The following STK38L variants were observed in gnomAD, a reference collection of about 807,000 sequenced individuals.
The protein encoded by STK38L is serine/threonine-protein kinase 38-like.
In STK38L, 28 loss-of-function variants were observed where a neutral mutation model predicts 59.7. The ratio of observed to expected loss-of-function variants is 0.47; its 90% CI spans 0.35 to 0.64. STK38L has a LOEUF of 0.64. Among genes scored for constraint, STK38L ranks in the 30% least tolerant of loss-of-function variants. The probability of loss-of-function intolerance (pLI) is 0.01; values close to 1 mark genes in which losing one functional copy is unlikely to be tolerated. For synonymous variants in STK38L, 162 were observed against 176.8 expected (o/e 0.92, Z 0.66); for missense variants, 314 against 555.8 (o/e 0.56, Z 4.37).
At chr12:27,268,090 G>C (rs1018380282) in intron 1 of STK38L, among the ~76,000 whole-genome samples, 2 of 151,864 alleles carry the variant, frequency 1.3e-5, no homozygotes, top group African/African-American at 4.8e-5. Context: ...TCTGCTAGTC[G>C]GTGGCTTATT....
At chr12:27,279,793 A>C (rs1271309042) in intron 1 of STK38L, among the ~76,000 whole-genome samples, 2 of 151,988 alleles carry the variant, frequency 1.3e-5, no homozygotes, top group African/African-American at 4.8e-5. Context: ...AGAGATGAGA[A>C]AAATACAATT....
intron 6 of STK38L, among the ~76,000 whole-genome samples, chr12:27,313,828 C>G (rs1434353604): frequency 1.3e-5 from 2 of 151,992 alleles, no homozygotes; most frequent in African/African-American, 2.4e-5. Context: ...TCTGCAGGTG[C>G]CTTTTTTAGT....
chr12:27,254,366 A>T (rs779716844), intron 1 of STK38L, among the ~76,000 whole-genome samples: 5 of 152,130 alleles, frequency 3.3e-5, no homozygotes, highest in African/African-American at 4.8e-5. Flanking sequence ...AACTAACATG[A>T]CCCTAAACTT....
chr12:27,267,212 G>C (rs928828416), intron 1 of STK38L, among the ~76,000 whole-genome samples: 2 of 151,914 alleles, frequency 1.3e-5, no homozygotes, highest in Non-Finnish European at 2.9e-5. Context: ...ATTTTGACTT[G>C]TGTCACATAT....
chr12:27,268,704 A>G (rs1166722641), intron 1 of STK38L, among the ~76,000 whole-genome samples: 2 of 152,194 alleles, frequency 1.3e-5, no homozygotes, highest in Non-Finnish European at 2.9e-5. Flanking sequence ...ACTGACTTCC[A>G]CAATGGTTGA....
At chr12:27,305,936 C>T (rs1190951567) in intron 3 of STK38L, among the ~76,000 whole-genome samples, 5 of 152,152 alleles carry the variant, frequency 3.3e-5, no homozygotes, top group African/African-American at 1.2e-4. Flanking sequence ...GCTACTTAAT[C>T]TATACAGGTT....
intron 1 of STK38L, among the ~76,000 whole-genome samples, chr12:27,272,318 A>G (rs1019470077): frequency 1.3e-5 from 2 of 152,258 alleles, no homozygotes; most frequent in Admixed American, 6.5e-5. Context: ...TGTATAGGAA[A>G]GATAGTACTG....
At chr12:27,252,520 C>T (rs1429705279) in intron 1 of STK38L, among the ~76,000 whole-genome samples, 2 of 152,224 alleles carry the variant, frequency 1.3e-5, no homozygotes, top group African/African-American at 4.8e-5. Flanking sequence ...AAATACCACA[C>T]CGTGTTTGCC....
chr12:27,251,472 C>G (rs1942974157), intron 1 of STK38L, among the ~76,000 whole-genome samples: 1 of 152,102 alleles, frequency 6.6e-6, no homozygotes, highest in Non-Finnish European at 1.5e-5. Context: ...TCTGAGATCT[C>G]AAAATAAGAG....
chr12:27,318,065 C>G, intron 11 of STK38L, 46 bp downstream of exon 11: 1 of 1,604,954 alleles, frequency 6.2e-7, no homozygotes. Context: ...CTTAAAACTT[C>G]CTAAGAACCT....
chr12:27,250,767 G>A (rs576861873), intron 1 of STK38L, among the ~76,000 whole-genome samples: 5 of 151,910 alleles, frequency 3.3e-5, no homozygotes, highest in African/African-American at 7.3e-5. Flanking sequence ...TTGGGAGGCC[G>A]AGGTGGGCAG....
chr12:27,288,297 C>G (rs192232500), intron 1 of STK38L, among the ~76,000 whole-genome samples: 89 of 152,254 alleles, frequency 5.8e-4, no homozygotes, highest in Non-Finnish European at 4.4e-5. Flanking sequence ...CATTTTAAAG[C>G]ATACATTTAT....
intron 1 of STK38L, among the ~76,000 whole-genome samples, chr12:27,252,364 A>G (rs1480406232): frequency 6.6e-6 from 1 of 152,226 alleles, no homozygotes; most frequent in Non-Finnish European, 1.5e-5. Flanking sequence ...GAAAGTGATA[A>G]TGTTTGAGAG....
At chr12:27,312,783 T>TGTAA in intron 6 of STK38L, 111 bp downstream of exon 6, 2 of 1,295,434 alleles carry the variant, frequency 1.5e-6, no homozygotes, top group Non-Finnish European at 2.1e-6. Flanking sequence ...AGGCTTTACA[T>TGTAA]AGTCACAGTT....
chr12:27,289,836 C>T (rs1943857139), intron 1 of STK38L, among the ~76,000 whole-genome samples: 1 of 152,222 alleles, frequency 6.6e-6, no homozygotes, highest in Admixed American at 6.5e-5. Flanking sequence ...TCTAGTAAGG[C>T]TTCTACCAAG....
In STK38L at chr12:27,288,101, C is replaced by T. The variant is rs553312688; in HGVS notation, c.-11-9609C>T. Among the ~76,000 whole-genome samples, 39 of 152,172 alleles carry T rather than the reference C, an allele frequency of 2.6e-4. 1 individual carries two copies. In the East Asian group the frequency reaches 4.5e-3, roughly 17 times the overall value. ...TTCGTCATGTTGGCCAGGCTGGTAT[C>T]GAACTCCTGACCTCAAGTCATCCAC... On this transcript the variant is annotated intron_variant, in intron 1 of 13. Coordinates refer to ENST00000389032, the MANE Select transcript of STK38L (RefSeq NM_015000.4).
intron 1 of STK38L, among the ~76,000 whole-genome samples, chr12:27,250,074 G>A (rs1942939805): frequency 6.6e-6 from 1 of 152,162 alleles, no homozygotes; most frequent in Non-Finnish European, 1.5e-5. Context: ...CCAGGCATTC[G>A]GGGTTGCTGT....
At chr12:27,271,723 G>A (rs1208855734) in intron 1 of STK38L, among the ~76,000 whole-genome samples, 4 of 152,150 alleles carry the variant, frequency 2.6e-5, no homozygotes, top group East Asian at 3.9e-4. Context: ...ATTTTGAGAC[G>A]GAGTTTTGCT....
In STK38L at chr12:27,325,850, A is replaced by T. The variant is rs1030088368; in HGVS notation, c.*3395A>T. The T allele has an allele frequency of 6.6e-6, 1 of 152,202 alleles. No individual in the cohort carries two copies. Among genetic ancestry groups the T allele is most frequent in the Non-Finnish European group, 1.5e-5 (1 of 68,022 alleles). The allele number at this position is 152,202 out of a possible 1,614,324, so 9.4% of individuals were successfully genotyped here. Reference sequence around the variant, plus strand: ...TCAGCAATTGTCTAGAAAAGTAATCATGAGGCTACTGAGTTTGGTGTTCAG... The same window carrying T: ...TCAGCAATTGTCTAGAAAAGTAATCTTGAGGCTACTGAGTTTGGTGTTCAG... On this transcript the variant is annotated 3_prime_UTR_variant, in exon 14 of 14. Coordinates refer to ENST00000389032, the MANE Select transcript of STK38L (RefSeq NM_015000.4).
Sources: allele counts gnomAD v4.1 joint callset (sites outside exome capture counted in the v4.1 genomes callset), GRCh38; gene constraint gnomAD v4.1.1; transcripts MANE v1.5; gene names NCBI Gene and HGNC (gene_info 2026-07-23, HGNC 2026-07-21).